The following PDE4D variants were observed in gnomAD, a reference collection of about 807,000 sequenced individuals.
PDE4D encodes the protein phosphodiesterase 4D, also known as 3',5'-cyclic-AMP phosphodiesterase 4D.
A neutral mutation model predicts 87.4 loss-of-function variants in PDE4D; 24 were observed. The observed-to-expected ratio is 0.27, with a 90% CI of 0.20 to 0.39. PDE4D has a LOEUF of 0.39. Ranked by LOEUF, PDE4D falls within the 10% of genes least tolerant of loss-of-function variation. PDE4D has a pLI of 1.00. For synonymous variants in PDE4D, 384 were observed against 383.2 expected (o/e 1.00, Z -0.02); for missense variants, 714 against 1,041.0 (o/e 0.69, Z 4.32).
chr5:59,080,922 T>A (rs992397979), intron 5 of PDE4D, among the ~76,000 whole-genome samples: 1 of 152,210 alleles, frequency 6.6e-6, no homozygotes, highest in Non-Finnish European at 1.5e-5. Flanking sequence ...AATATAATCA[T>A]GGCCTGATTA....
intron 1 of PDE4D, among the ~76,000 whole-genome samples, chr5:59,754,796 CATTT>C (rs1315889770): frequency 1.2e-5 from 1 of 83,848 alleles, no homozygotes; most frequent in African/African-American, 4.3e-5. Context: ...TTCCACAGAA[CATTT>C]TTTTTTTTTT....
chr5:60,220,200 G>A (rs1181460938), intron 1 of PDE4D, among the ~76,000 whole-genome samples: 1 of 152,150 alleles, frequency 6.6e-6, no homozygotes, highest in Non-Finnish European at 1.5e-5. Context: ...GGTGCTAGTT[G>A]TTGGTTGGGA....
chr5:59,823,938 T>C (rs921286732), intron 1 of PDE4D, among the ~76,000 whole-genome samples: 14 of 151,348 alleles, frequency 9.3e-5, no homozygotes, highest in African/African-American at 3.2e-4. Context: ...AAGCCTCCTT[T>C]GGCTGGTTGA....
intron 1 of PDE4D, among the ~76,000 whole-genome samples, chr5:59,403,888 C>T (rs554565500): frequency 3.3e-5 from 5 of 152,250 alleles, no homozygotes; most frequent in East Asian, 1.9e-4. Context: ...AATTGTTCTC[C>T]GTAGTGGTTG....
chr5:59,888,239 C>A (rs1172750704), intron 1 of PDE4D, among the ~76,000 whole-genome samples: 1 of 152,346 alleles, frequency 6.6e-6, no homozygotes, highest in South Asian at 2.1e-4. Flanking sequence ...TAGGAACATT[C>A]CCTGCTTGGG....
chr5:59,946,433 A>G (rs1757730520), intron 3 of PDE4D, among the ~76,000 whole-genome samples: 1 of 152,206 alleles, frequency 6.6e-6, no homozygotes, highest in Admixed American at 6.5e-5. Flanking sequence ...TACCCACTGT[A>G]CCTTAGGTTG....
At chr5:59,597,675 G>A (rs577497291) in intron 1 of PDE4D, among the ~76,000 whole-genome samples, 1 of 152,042 alleles carries the variant, frequency 6.6e-6, no homozygotes, top group Non-Finnish European at 1.5e-5. Context: ...TCATTTGAAA[G>A]CTTAAAAATA....
At chr5:60,441,842 CTCA>C (rs896234078) in intron 1 of PDE4D, among the ~76,000 whole-genome samples, 7 of 151,842 alleles carry the variant, frequency 4.6e-5, no homozygotes, top group African/African-American at 1.7e-4. Context: ...GAAAAAAAAG[CTCA>C]TCATCACTGG....
At chr5:60,487,354 C>T (rs1005848787) in intron 1 of PDE4D, among the ~76,000 whole-genome samples, 14 of 152,298 alleles carry the variant, frequency 9.2e-5, no homozygotes, top group African/African-American at 3.1e-4. Flanking sequence ...CAGCCCTCTA[C>T]CACATAAACA....
intron 1 of PDE4D, among the ~76,000 whole-genome samples, chr5:59,229,003 T>C (rs1754514481): frequency 6.6e-6 from 1 of 152,158 alleles, no homozygotes; most frequent in Non-Finnish European, 1.5e-5. Flanking sequence ...AACCTTTTTT[T>C]TTTTTGAACA....
intron 1 of PDE4D, among the ~76,000 whole-genome samples, chr5:60,506,811 T>C (rs1426204188): frequency 3.9e-5 from 6 of 152,104 alleles, no homozygotes; most frequent in Non-Finnish European, 8.8e-5. Context: ...GAAACAAGGA[T>C]AGGACTTCCC....
chr5:60,176,821 GTTTT>G (rs904509083), intron 2 of PDE4D, among the ~76,000 whole-genome samples: 1 of 152,136 alleles, frequency 6.6e-6, no homozygotes, highest in South Asian at 2.1e-4. Flanking sequence ...TGTAAAAGGA[GTTTT>G]TTGTTGTGGG....
At chr5:59,264,298 A>G (rs1762499128) in intron 1 of PDE4D, among the ~76,000 whole-genome samples, 1 of 152,046 alleles carries the variant, frequency 6.6e-6, no homozygotes, top group South Asian at 2.1e-4. Context: ...CATAGATTAA[A>G]AAGACTAGCT....
chr5:60,078,155 G>A (rs1773521947), intron 2 of PDE4D, among the ~76,000 whole-genome samples: 1 of 152,144 alleles, frequency 6.6e-6, no homozygotes, highest in African/African-American at 2.4e-5. Context: ...CTTGCAAAAT[G>A]TTTTTGCATT....
intron 1 of PDE4D, among the ~76,000 whole-genome samples, chr5:60,318,930 T>C (rs1449620304): frequency 2.0e-5 from 3 of 152,230 alleles, no homozygotes; most frequent in African/African-American, 7.2e-5. Context: ...TTTTCCTTCA[T>C]TTCAACTTTG....
intron 1 of PDE4D, among the ~76,000 whole-genome samples, chr5:59,343,692 A>G (rs954130811): frequency 1.3e-5 from 2 of 152,188 alleles, no homozygotes; most frequent in African/African-American, 4.8e-5. Context: ...TGATGTATGA[A>G]GAAATATTTA....
rs550835594 is a variant in PDE4D, at chr5:59,471,077, A to G, written c.456-255109T>C. Among the ~76,000 whole-genome samples the G allele has an allele frequency of 5.9e-5, 9 of 152,254 alleles. No individual in the cohort carries two copies. The South Asian group carries it at 1.9e-3, about 32-fold the overall frequency. ...GGCCACATATTGAGACCCTGTCTCT[A>G]CTAAAAATTAAAAAATACATAGCCA... On this transcript the variant is annotated intron_variant, in intron 1 of 14. Transcript: ENST00000340635.
At chr5:60,175,494 C>A (rs770097342) in intron 2 of PDE4D, among the ~76,000 whole-genome samples, 1 of 151,972 alleles carries the variant, frequency 6.6e-6, no homozygotes, top group Non-Finnish European at 1.5e-5. Flanking sequence ...TGCTGAAAGC[C>A]GGATATCTTG....
At chr5:59,200,145 A>ATG in intron 2 of PDE4D, among the ~76,000 whole-genome samples, 1 of 150,318 alleles carries the variant, frequency 6.7e-6, no homozygotes, top group Non-Finnish European at 1.5e-5. Flanking sequence ...ATGTATGTAC[A>ATG]CGTATATGTA....
Sources: allele counts gnomAD v4.1 joint callset (sites outside exome capture counted in the v4.1 genomes callset), GRCh38; gene constraint gnomAD v4.1.1; transcripts MANE v1.5; gene names NCBI Gene and HGNC (gene_info 2026-07-23, HGNC 2026-07-21).